The following NR6A1 variants were observed in gnomAD, a reference collection of about 807,000 sequenced individuals.
The protein encoded by NR6A1 is nuclear receptor subfamily 6 group A member 1.
Under a neutral mutation model 59.1 loss-of-function variants are expected in NR6A1, and 7 were observed. That is an observed-to-expected ratio of 0.12 (90% CI 0.07 to 0.22). The LOEUF (loss-of-function observed/expected upper bound fraction) is 0.22. Ranked by LOEUF, NR6A1 falls within the 10% of genes least tolerant of loss-of-function variation. The pLI, the probability that NR6A1 is intolerant of heterozygous loss-of-function variation, is 1.00. For missense variants in NR6A1, 468 were observed against 611.6 expected (o/e 0.77, Z 2.48); for synonymous variants, 243 against 236.1 (o/e 1.03, Z -0.27).
intron 2 of NR6A1, among the ~76,000 whole-genome samples, chr9:124,606,000 C>T (rs1013418529): frequency 3.9e-5 from 6 of 152,116 alleles, no homozygotes; most frequent in Admixed American, 1.3e-4. Flanking sequence ...AATCCATTCT[C>T]CATCCTGGCT....
Position 124,685,010 on chromosome 9 carries a change from TTCATGA to T in NR6A1, c.142+48292_142+48297del, listed in dbSNP as rs1460510777. Among the ~76,000 whole-genome samples the T allele has an allele frequency of 7.2e-5, 11 of 152,324 alleles. No homozygotes were observed. The East Asian group carries it at 1.9e-3, about 27-fold the overall frequency. On this transcript the variant is annotated intron_variant, in intron 2 of 9. Transcript: ENST00000487099. The stretch of plus-strand genomic sequence containing the variant: ...TTCTGCAAAAAAAAAAAAATTCTTT[TTCATGA>T]TGAAGAGACAGAGTGGTATAATTAT...
intron 2 of NR6A1, among the ~76,000 whole-genome samples, chr9:124,555,030 T>C (rs573607748): frequency 3.3e-5 from 5 of 152,196 alleles, no homozygotes; most frequent in Non-Finnish European, 7.4e-5. Context: ...AAATATTTAC[T>C]GTGCAACTCT....
intron 2 of NR6A1, among the ~76,000 whole-genome samples, chr9:124,568,889 G>A (rs947425228): frequency 6.6e-6 from 1 of 151,878 alleles, no homozygotes; most frequent in East Asian, 1.9e-4. Flanking sequence ...CGAGGCGGGC[G>A]GGTCACGAGG....
Position 124,606,305 on chromosome 9 carries a change from C to T in NR6A1, c.143-51735G>A, listed in dbSNP as rs528346265. ...AGGTTCCAATTCTATGAATGTCCAC[C>T]ATTTCATCCCTTTGTGTGCCTGCCT... On this transcript the variant is annotated intron_variant, in intron 2 of 9. Transcript: ENST00000487099. 2.6e-5 allele frequency among the ~76,000 whole-genome samples: 4 copies of T among 152,268 alleles called. No homozygotes were observed. The South Asian group carries it at 8.3e-4, about 32-fold the overall frequency.
intron 2 of NR6A1, among the ~76,000 whole-genome samples, chr9:124,704,161 A>G (rs1463641616): frequency 6.6e-6 from 1 of 152,208 alleles, no homozygotes; most frequent in Non-Finnish European, 1.5e-5. Context: ...GGTGAGATAA[A>G]GTTGATCATG....
At chr9:124,589,429 G>C (rs970145318) in intron 2 of NR6A1, among the ~76,000 whole-genome samples, 3 of 152,168 alleles carry the variant, frequency 2.0e-5, no homozygotes, top group African/African-American at 7.2e-5. Context: ...CTGGGCGAAA[G>C]AGCGAGACTC....
intron 2 of NR6A1, among the ~76,000 whole-genome samples, chr9:124,706,007 C>T (rs1256822816): frequency 6.6e-6 from 1 of 152,184 alleles, no homozygotes; most frequent in African/African-American, 2.4e-5. Flanking sequence ...AACTCCCGAA[C>T]TCAGGTGATC....
intron 2 of NR6A1, among the ~76,000 whole-genome samples, chr9:124,613,910 T>G (rs1243054644): frequency 6.6e-6 from 1 of 152,198 alleles, no homozygotes; most frequent in Non-Finnish European, 1.5e-5. Flanking sequence ...GGACCAGATT[T>G]GGTCACCTGG....
At chr9:124,528,683 G>A (rs1833011735) in intron 7 of NR6A1, among the ~76,000 whole-genome samples, 1 of 151,456 alleles carries the variant, frequency 6.6e-6, no homozygotes, top group Non-Finnish European at 1.5e-5. Context: ...CTGGGCAATA[G>A]AGTGAGACCC....
chr9:124,678,781 T>A (rs1838037164), intron 2 of NR6A1, among the ~76,000 whole-genome samples: 1 of 152,204 alleles, frequency 6.6e-6, no homozygotes, highest in African/African-American at 2.4e-5. Context: ...TAAATTCTTT[T>A]AATCAGTTTG....
chr9:124,524,479 T>C (rs1467626500), intron 9 of NR6A1, among the ~76,000 whole-genome samples: 1 of 152,210 alleles, frequency 6.6e-6, no homozygotes, highest in Admixed American at 6.5e-5. Context: ...GGTATGAGAT[T>C]AAATGATATA....
intron 2 of NR6A1, among the ~76,000 whole-genome samples, chr9:124,712,197 C>T (rs1839298321): frequency 6.6e-6 from 1 of 152,040 alleles, no homozygotes; most frequent in Non-Finnish European, 1.5e-5. Context: ...GAGGAGAGAG[C>T]GCTTATGCCC....
At chr9:124,527,539 T>G (rs1288920143) in intron 7 of NR6A1, among the ~76,000 whole-genome samples, 1 of 152,264 alleles carries the variant, frequency 6.6e-6, no homozygotes, top group Non-Finnish European at 1.5e-5. Flanking sequence ...TTATCACATT[T>G]AATTCTCTCA....
At chr9:124,733,676 G>A (rs1387063174) in intron 1 of NR6A1, among the ~76,000 whole-genome samples, 3 of 152,176 alleles carry the variant, frequency 2.0e-5, no homozygotes, top group Non-Finnish European at 2.9e-5. Flanking sequence ...GGCAATGTCC[G>A]TTGGAATAAA....
chr9:124,744,542 A>T (rs75210515), intron 1 of NR6A1, among the ~76,000 whole-genome samples: 2,494 of 152,322 alleles, frequency 0.016, 74 homozygotes, highest in East Asian at 0.15. Flanking sequence ...GTTCTGCAAC[A>T]GCCGGATGGA....
chr9:124,538,345 CAG>C (rs1564169768), intron 5 of NR6A1, 26 bp from the exon 6 acceptor site: 1 of 1,576,410 alleles, frequency 6.3e-7, no homozygotes, highest in Non-Finnish European at 8.7e-7. Flanking sequence ...TTGCGTCAAA[CAG>C]AGCCATGGCA....
intron 3 of NR6A1, among the ~76,000 whole-genome samples, chr9:124,547,948 G>A (rs1833649498): frequency 6.6e-6 from 1 of 152,142 alleles, no homozygotes; most frequent in Non-Finnish European, 1.5e-5. Flanking sequence ...AATAAGATCT[G>A]CTAATAAGAT....
At chr9:124,678,745 G>T (rs1010230406) in intron 2 of NR6A1, among the ~76,000 whole-genome samples, 5 of 152,132 alleles carry the variant, frequency 3.3e-5, no homozygotes, top group Non-Finnish European at 5.9e-5. Context: ...AATATCCCTG[G>T]ACGAGTTACA....
intron 2 of NR6A1, among the ~76,000 whole-genome samples, chr9:124,642,977 G>A (rs79204889): frequency 1.3e-3 from 192 of 152,068 alleles, no homozygotes; most frequent in Middle Eastern, 3.4e-3. Flanking sequence ...CAGAAAGAAC[G>A]ATTGGTGTAG....
Sources: gnomAD v4.1 joint callset for allele counts (sites outside exome capture counted in the v4.1 genomes callset) on GRCh38, gnomAD v4.1.1 for gene constraint, MANE v1.5 for transcripts, NCBI Gene and HGNC (gene_info 2026-07-23, HGNC 2026-07-21) for gene names.